AHCY: variants seen among roughly 807,000 people sequenced by gnomAD.
The protein encoded by AHCY is S-adenosyl-L-homocysteine hydrolase.
In AHCY, 24 loss-of-function variants were observed where a neutral mutation model predicts 45.4. The observed-to-expected ratio is 0.53, with a 90% CI of 0.38 to 0.74. The LOEUF is 0.74. Among genes scored for constraint, AHCY ranks in the 30% least tolerant of loss-of-function variants. AHCY has a pLI of 0.00. For synonymous variants in AHCY, 245 were observed against 235.1 expected, an observed-to-expected ratio of 1.04 and a Z score of -0.39; for missense variants, 449 against 594.1, an observed-to-expected ratio of 0.76 and a Z score of 2.54.
the AHCY span, among the ~76,000 whole-genome samples, chr20:34,250,450 CT>C: frequency 6.6e-6 from 1 of 152,168 alleles, no homozygotes; most frequent in Non-Finnish European, 1.5e-5. Flanking sequence ...GGAGGATCAC[CT>C]AAGTCCAGGA....
chr20:34,291,380 A>C, intron 5 of AHCY, 39 bp downstream of exon 5: 1 of 1,565,622 alleles, frequency 6.4e-7, no homozygotes, highest in South Asian at 1.1e-5. Flanking sequence ...CCTGAGCTGC[A>C]GCCACTGTAG....
chr20:34,269,358 C>A, the AHCY span: 1 of 712,958 alleles, frequency 1.4e-6, no homozygotes, highest in Non-Finnish European at 2.1e-6. Flanking sequence ...AGGTGTGCGG[C>A]TGTTTCTGTA....
At chr20:34,288,685 A>G (rs1213534950) in intron 8 of AHCY, among the ~76,000 whole-genome samples, 1 of 152,078 alleles carries the variant, frequency 6.6e-6, no homozygotes, top group Admixed American at 6.5e-5. Flanking sequence ...AGAAAAAAAA[A>G]ATGATGAACA....
chr20:34,302,006 G>GTTT (rs5841170), intron 1 of AHCY: 372 of 825,636 alleles, frequency 4.5e-4, no homozygotes, highest in South Asian at 5.4e-4. Flanking sequence ...TTTTTTGTTT[G>GTTT]TTTTTTTTTT....
Position 34,302,801 on chromosome 20 carries a change from C to G in AHCY, c.28+442G>C, listed in dbSNP as rs868441831. 4.9e-6 allele frequency: 5 copies of G among 1,012,040 alleles called. No homozygotes were observed. In the African/African-American group the frequency reaches 5.2e-5, roughly 10 times the overall value. 62.7% of individuals were successfully genotyped at this position (1,012,040 alleles called of 1,614,324 possible). ...TTCCAGGCCTCTCCTCATACACCCT[C>G]CGGGGTGCCCTCGCCGTCCCTGTAG... On this transcript the variant is annotated intron_variant, in intron 1 of 9. Coordinates refer to ENST00000217426, the MANE Select transcript of AHCY (RefSeq NM_000687.4).
the AHCY span, among the ~76,000 whole-genome samples, chr20:34,261,248 A>G: frequency 6.6e-6 from 1 of 152,222 alleles, no homozygotes; most frequent in Admixed American, 6.5e-5. Context: ...CTGTAATCCC[A>G]GCACTTTGGG....
At chr20:34,270,318 CTCTGTTCCTTA>C in the AHCY span, among the ~76,000 whole-genome samples, 2 of 152,054 alleles carry the variant, frequency 1.3e-5, no homozygotes, top group Non-Finnish European at 2.9e-5. Context: ...CCTGTTCCCT[CTCTGTTCCTTA>C]ACACAAGAAA....
chr20:34,290,527 C>CG lies in AHCY; in HGVS notation c.854+23dup. On this transcript the variant is annotated intron_variant, in intron 7 of 9. Transcript: ENST00000217426. This position sits in a 1 kb window ranked among gnomAD's most constrained non-coding sequence, Gnocchi z 4.5. ...AACTCTGCCCTCCTCCCTCACTCCCCGGGACCCCCCATCTGGCACCTACCG... is the reference window on the plus strand; with the variant it reads ...AACTCTGCCCTCCTCCCTCACTCCCCGGGGACCCCCCATCTGGCACCTACCG... The CG allele has an allele frequency of 1.2e-6, 2 of 1,614,020 alleles. No individual in the cohort carries two copies. Among genetic ancestry groups the CG allele is most frequent in the Admixed American group, 1.7e-5 (1 of 60,030 alleles).
At chr20:34,294,034 C>A in intron 3 of AHCY, 47 bp downstream of exon 3, 1 of 1,580,294 alleles carries the variant, frequency 6.3e-7, no homozygotes, top group Non-Finnish European at 8.7e-7. Flanking sequence ...GCAAAGAGGG[C>A]AGAATCCCTT....
chr20:34,232,650 A>T, the AHCY span, among the ~76,000 whole-genome samples: 10 of 152,212 alleles, frequency 6.6e-5, no homozygotes, highest in Non-Finnish European at 1.3e-4. Context: ...AGCATAACCA[A>T]GGCCACTCAG....
intron 8 of AHCY, among the ~76,000 whole-genome samples, chr20:34,287,054 C>T (rs950707723): frequency 1.2e-4 from 18 of 152,106 alleles, no homozygotes; most frequent in Non-Finnish European, 2.6e-4. Context: ...CCCAGCTCTT[C>T]CCTTGCCATC....
the AHCY span, among the ~76,000 whole-genome samples, chr20:34,237,268 A>G: frequency 3.4e-4 from 52 of 152,274 alleles, 1 homozygote; most frequent in Middle Eastern, 6.8e-3. Context: ...TTCTGCCAAA[A>G]AAAACCTCCT....
At chr20:34,293,926 A>G (rs1336162155) in intron 3 of AHCY, 155 bp downstream of exon 3, 2 of 763,682 alleles carry the variant, frequency 2.6e-6, no homozygotes, top group Non-Finnish European at 4.6e-6. Flanking sequence ...GGGACAAAGC[A>G]GCTCTTTCCT....
At chr20:34,232,139 T>A in the AHCY span, among the ~76,000 whole-genome samples, 1 of 152,228 alleles carries the variant, frequency 6.6e-6, no homozygotes. Flanking sequence ...GCACTGAGTT[T>A]GGGGAACCCA....
chr20:34,273,630 A>G, the AHCY span, among the ~76,000 whole-genome samples: 1 of 152,228 alleles, frequency 6.6e-6, no homozygotes, highest in South Asian at 2.1e-4. Context: ...ATTTAACTCC[A>G]AGGGCCAATT....
the AHCY span, chr20:34,246,513 C>A: frequency 2.4e-6 from 3 of 1,235,642 alleles, no homozygotes; most frequent in East Asian, 2.3e-5. Flanking sequence ...TTGCAATCAG[C>A]CCCACTGGAT....
the AHCY span, among the ~76,000 whole-genome samples, chr20:34,268,193 G>T: frequency 1.3e-5 from 2 of 152,170 alleles, no homozygotes; most frequent in Non-Finnish European, 2.9e-5. Context: ...GATGACCAGT[G>T]GCTACCTGTA....
At chr20:34,262,802 T>C in the AHCY span, 4 of 1,613,222 alleles carry the variant, frequency 2.5e-6, no homozygotes, top group Non-Finnish European at 3.4e-6. Context: ...CAGAAACATC[T>C]GACTTTGCTC....
chr20:34,252,813 C>T, the AHCY span, among the ~76,000 whole-genome samples: 1 of 152,198 alleles, frequency 6.6e-6, no homozygotes, highest in Non-Finnish European at 1.5e-5. Context: ...GAGGTCCCTG[C>T]GGACATTGTG....
Sources: allele counts gnomAD v4.1 joint callset (sites outside exome capture counted in the v4.1 genomes callset), GRCh38; gene constraint gnomAD v4.1.1; non-coding constraint Gnocchi (gnomAD v3.1); transcripts MANE v1.5; gene names NCBI Gene and HGNC (gene_info 2026-07-23, HGNC 2026-07-21).